The following AK9 variants were observed in gnomAD, a reference collection of about 807,000 sequenced individuals.
AK9 encodes adenylate kinase 9, also known as adenylate kinase domain containing 1.
Under a neutral mutation model 239.6 loss-of-function variants are expected in AK9, and 191 were observed. The observed-to-expected ratio is 0.80, with a 90% CI of 0.71 to 0.90. The LOEUF is 0.90. Ranked by LOEUF, AK9 falls within the 40% of genes least tolerant of loss-of-function variation. AK9 has a pLI of 0.00. For synonymous variants in AK9, 689 were observed against 721.0 expected, an observed-to-expected ratio of 0.96 and a Z score of 0.71; for missense variants, 1,995 against 2,214.7, an observed-to-expected ratio of 0.90 and a Z score of 1.99.
At chr6:109,564,374 TA>T in intron 22 of AK9, 94 bp from the exon 23 acceptor site, 1 of 872,170 alleles carries the variant, frequency 1.1e-6, no homozygotes, top group Non-Finnish European at 1.7e-6. Context: ...GCAATTTTTT[TA>T]AACAGTTAAA....
At chr6:109,498,577 C>A (rs1390264121) in intron 36 of AK9, among the ~76,000 whole-genome samples, 1 of 152,212 alleles carries the variant, frequency 6.6e-6, no homozygotes, top group East Asian at 1.9e-4. Context: ...GAGACGAAAT[C>A]TATTTTCTGT....
At chr6:109,652,036 C>A (rs952219145) in intron 8 of AK9, among the ~76,000 whole-genome samples, 2 of 152,116 alleles carry the variant, frequency 1.3e-5, no homozygotes, top group Non-Finnish European at 2.9e-5. Flanking sequence ...AAGAGGGAAT[C>A]CTCCCTAACT....
chr6:109,639,374 G>A (rs1797115653), intron 10 of AK9, among the ~76,000 whole-genome samples: 1 of 152,120 alleles, frequency 6.6e-6, no homozygotes, highest in African/African-American at 2.4e-5. Flanking sequence ...TCTCATTGTG[G>A]TTTTGATTTG....
intron 10 of AK9, among the ~76,000 whole-genome samples, chr6:109,639,572 C>T (rs1797143689): frequency 7.1e-6 from 1 of 141,222 alleles, no homozygotes; most frequent in Non-Finnish European, 1.6e-5. Flanking sequence ...GTGTAGATTG[C>T]AAAAATTTTC....
At chr6:109,538,105 T>C (rs1422878525) in intron 27 of AK9, among the ~76,000 whole-genome samples, 1 of 152,228 alleles carries the variant, frequency 6.6e-6, no homozygotes, top group Non-Finnish European at 1.5e-5. Flanking sequence ...GAGAGCTCTG[T>C]AGATGTCTAT....
At chr6:109,618,565 C>T (rs1794454944) in intron 13 of AK9, among the ~76,000 whole-genome samples, 1 of 152,094 alleles carries the variant, frequency 6.6e-6, no homozygotes, top group Non-Finnish European at 1.5e-5. Context: ...GCTATGCTAC[C>T]CGCTGGGTGA....
chr6:109,577,439 G>T lies in AK9; in HGVS notation c.2191+2111C>A, dbSNP rs963003324. Among the ~76,000 whole-genome samples, 4 of 150,956 alleles carry T rather than the reference G, an allele frequency of 2.6e-5. No homozygotes were observed. The Admixed American group carries it at 2.7e-4, about 10-fold the overall frequency. On this transcript the variant is annotated intron_variant, in intron 20 of 40. Transcript: ENST00000424296. ...TATGTTCAACAGGGATATTGGTCTG[G>T]TTCCTTTTTTTTTTAATGTCCTTTC...
chr6:109,553,060 C>A (rs4946985), intron 24 of AK9, among the ~76,000 whole-genome samples: 28,788 of 152,030 alleles, frequency 0.19, 3,193 homozygotes, highest in South Asian at 0.34. Context: ...TTCCATTGGT[C>A]TATATGTCTG....
chr6:109,581,555 T>C (rs1014057125), intron 19 of AK9, among the ~76,000 whole-genome samples: 6 of 152,150 alleles, frequency 3.9e-5, no homozygotes, highest in African/African-American at 9.7e-5. Context: ...AAGGCCCTAA[T>C]TCGCTTCAAT....
At position 109,585,970 on chromosome 6, in the gene AK9, T is replaced by A. The variant is rs1035954917; in HGVS notation, c.1945A>T (p.Lys649Ter). The A allele has an allele frequency of 6.4e-7, 1 of 1,551,434 alleles. No homozygotes were observed. Among genetic ancestry groups the A allele is most frequent in the Non-Finnish European group, 8.7e-7 (1 of 1,146,864 alleles). Residue 649 changes from lysine to a stop codon, truncating the protein, a stop_gained, in exon 18 of 41, where the codon AAG becomes TAG. Transcript: ENST00000424296. LOFTEE classifies it high-confidence loss of function. ...ACCAAATCAGGTATAATTCCTTTCT[T>A]GATTAAGGCCATCCACAATTCTTTT... ...IVKELWMALI[K>*]KGIIPDLVIY...
chr6:109,609,901 T>G (rs1244238952), intron 17 of AK9, among the ~76,000 whole-genome samples: 1 of 152,184 alleles, frequency 6.6e-6, no homozygotes, highest in Non-Finnish European at 1.5e-5. Flanking sequence ...GGATTTTTTT[T>G]TCCCTTTAGA....
chr6:109,585,669 C>T (rs533730014), intron 18 of AK9, among the ~76,000 whole-genome samples: 1 of 151,950 alleles, frequency 6.6e-6, no homozygotes, highest in Admixed American at 6.6e-5. Flanking sequence ...TGTGTGTGTG[C>T]GTGCTAAACT....
chr6:109,614,167 C>T lies in AK9; in HGVS notation c.1609+16G>A, dbSNP rs771029700. The T allele has an allele frequency of 3.9e-6, 6 of 1,530,424 alleles. No homozygotes were observed. The highest frequency in any genetic ancestry group is 5.3e-6 in the Non-Finnish European group (6 of 1,128,078). The allele number at this position is 1,530,424 out of a possible 1,614,324, so 94.8% of individuals were successfully genotyped here. On this transcript the variant is annotated intron_variant, in intron 15 of 40. Coordinates refer to ENST00000424296, the MANE Select transcript of AK9 (RefSeq NM_001145128.3). The stretch of plus-strand genomic sequence containing the variant: ...ATGAGATCCACAAACGTGGGATTAG[C>T]AGTTCACTTTGTTACCATCTTTATC...
intron 17 of AK9, among the ~76,000 whole-genome samples, chr6:109,594,717 A>G (rs7775414): frequency 0.21 from 31,551 of 152,074 alleles, 3,447 homozygotes; most frequent in South Asian, 0.34. Context: ...CACATCTACA[A>G]CCAACTGATC....
rs183398412 is a variant in AK9, at chr6:109,567,627, G to A, written c.2345-2782C>T. Among the ~76,000 whole-genome samples the A allele has an allele frequency of 1.5e-4, 22 of 150,220 alleles. No individual in the cohort carries two copies. The East Asian group carries it at 4.0e-3, about 27-fold the overall frequency. On this transcript the variant is annotated intron_variant, in intron 21 of 40. Transcript: ENST00000424296. The stretch of plus-strand genomic sequence containing the variant: ...AAACCATCATTCTCAGCAAAATATC[G>A]CAAGGACAGAAAACCAAACACCGCA...
intron 29 of AK9, among the ~76,000 whole-genome samples, chr6:109,524,092 A>G (rs931842241): frequency 2.7e-5 from 4 of 149,314 alleles, no homozygotes; most frequent in African/African-American, 9.7e-5. Context: ...TAAAGCAGTT[A>G]TTATTACAAT....
chr6:109,632,574 G>T, intron 12 of AK9: 1 of 279,588 alleles, frequency 3.6e-6, no homozygotes, highest in Non-Finnish European at 5.9e-6. Context: ...GTGATTATAT[G>T]GGGAGAGTGA....
At chr6:109,645,363 C>T (rs1485738012) in intron 8 of AK9, among the ~76,000 whole-genome samples, 1 of 152,192 alleles carries the variant, frequency 6.6e-6, no homozygotes, top group South Asian at 2.1e-4. Context: ...CCTAATACTG[C>T]GCTTTTCCAA....
intron 8 of AK9, among the ~76,000 whole-genome samples, chr6:109,648,416 C>T (rs1223653403): frequency 6.6e-6 from 1 of 152,122 alleles, no homozygotes; most frequent in Non-Finnish European, 1.5e-5. Context: ...GATATCACCA[C>T]CAATCCCACA....
Sources: allele counts gnomAD v4.1 joint callset (sites outside exome capture counted in the v4.1 genomes callset), GRCh38; gene constraint gnomAD v4.1.1; transcripts MANE v1.5; gene names NCBI Gene and HGNC (gene_info 2026-07-23, HGNC 2026-07-21).